PRELID2: variants seen among roughly 807,000 people sequenced by gnomAD.
PRELID2 encodes PRELI domain-containing protein 2.
In PRELID2, 25 loss-of-function variants were observed where a neutral mutation model predicts 28.4. The observed-to-expected ratio is 0.88, with a 90% CI of 0.64 to 1.23. PRELID2 has a LOEUF of 1.23. PRELID2 is among the 50% of genes most tolerant of loss of function. PRELID2 has a pLI of 0.00. For missense variants in PRELID2, 201 were observed against 214.4 expected (o/e 0.94, Z 0.39); for synonymous variants, 76 against 71.6 (o/e 1.06, Z -0.31).
At chr5:145,751,252 G>A (rs1027671201) in intron 1 of PRELID2, among the ~76,000 whole-genome samples, 1 of 152,154 alleles carries the variant, frequency 6.6e-6, no homozygotes, top group Non-Finnish European at 1.5e-5. Flanking sequence ...TGCTGCTGAT[G>A]GCAAGGCTTA....
At chr5:145,394,218 TG>T in the PRELID2 span, among the ~76,000 whole-genome samples, 1 of 152,168 alleles carries the variant, frequency 6.6e-6, no homozygotes, top group African/African-American at 2.4e-5. Flanking sequence ...TAAGAAAATT[TG>T]GCACATATAC....
At chr5:145,249,920 T>C in the PRELID2 span, among the ~76,000 whole-genome samples, 1 of 147,638 alleles carries the variant, frequency 6.8e-6, no homozygotes, top group Middle Eastern at 3.5e-3. Context: ...TGCCTCTCCC[T>C]CTCTCTCTCT....
At chr5:145,323,882 G>A in the PRELID2 span, among the ~76,000 whole-genome samples, 1 of 152,052 alleles carries the variant, frequency 6.6e-6, no homozygotes, top group Non-Finnish European at 1.5e-5. Flanking sequence ...CATTTAGGTC[G>A]ATTTCATGTC....
chr5:145,407,507 G>C, the PRELID2 span, among the ~76,000 whole-genome samples: 2 of 151,996 alleles, frequency 1.3e-5, no homozygotes, highest in Admixed American at 1.3e-4. Flanking sequence ...CCCTTAACTG[G>C]TGGTTTTTCT....
chr5:145,606,860 G>A (rs1162673631), intron 1 of PRELID2, among the ~76,000 whole-genome samples: 2 of 151,890 alleles, frequency 1.3e-5, no homozygotes, highest in African/African-American at 4.8e-5. Flanking sequence ...TTTTACATCT[G>A]GTAGAATTTG....
Position 145,658,629 on chromosome 5 carries a change from G to A in PRELID2, n.70+106302C>T, listed in dbSNP as rs114888651. On this transcript the variant is annotated intron_variant and non_coding_transcript_variant, in intron 1 of 2. Transcript: ENST00000510259. ...TCTCTCTAGCTCCCTCTCTCGCCAC[G>A]GGATATGTCAGCTCCTCCTTTGCCT... Among the ~76,000 whole-genome samples the A allele has an allele frequency of 1.8e-3, 269 of 152,226 alleles. No homozygotes were observed. In the Middle Eastern group the frequency reaches 0.031, roughly 17 times the overall value.
intron 1 of PRELID2, among the ~76,000 whole-genome samples, chr5:145,650,940 G>A (rs891730329): frequency 6.6e-6 from 1 of 152,146 alleles, no homozygotes; most frequent in Non-Finnish European, 1.5e-5. Context: ...CACCGAGCGT[G>A]AGCCAAAGCA....
intron 1 of PRELID2, among the ~76,000 whole-genome samples, chr5:145,606,816 G>T (rs577030148): frequency 2.8e-4 from 43 of 152,116 alleles, no homozygotes; most frequent in Middle Eastern, 3.4e-3. Context: ...CAACCCTTTT[G>T]GAATAGTTTT....
chr5:145,444,102 G>A, the PRELID2 span, among the ~76,000 whole-genome samples: 1 of 151,970 alleles, frequency 6.6e-6, no homozygotes, highest in Non-Finnish European at 1.5e-5. Flanking sequence ...ATCCTATTTA[G>A]GAGAGGATGT....
chr5:145,308,363 C>A, the PRELID2 span, among the ~76,000 whole-genome samples: 4 of 152,318 alleles, frequency 2.6e-5, no homozygotes, highest in South Asian at 6.2e-4. Flanking sequence ...TCTGCTGTAA[C>A]GATCACTTTG....
intron 1 of PRELID2, among the ~76,000 whole-genome samples, chr5:145,617,497 C>A (rs1753715191): frequency 6.6e-6 from 1 of 152,196 alleles, no homozygotes; most frequent in South Asian, 2.1e-4. Flanking sequence ...TGACTTCCCT[C>A]AACAGGTTGG....
chr5:145,541,055 G>T (rs1476096087), intron 1 of PRELID2, among the ~76,000 whole-genome samples: 1 of 152,004 alleles, frequency 6.6e-6, no homozygotes, highest in African/African-American at 2.4e-5. Flanking sequence ...CAAAAGTGTA[G>T]ATAATTTCTG....
intron 1 of PRELID2, among the ~76,000 whole-genome samples, chr5:145,603,801 G>A (rs560557799): frequency 6.6e-6 from 1 of 152,158 alleles, no homozygotes; most frequent in South Asian, 2.1e-4. Flanking sequence ...GAATAAAAGT[G>A]TCAATTATTA....
the PRELID2 span, among the ~76,000 whole-genome samples, chr5:145,419,602 T>G: frequency 1.6e-3 from 241 of 149,204 alleles, 2 homozygotes; most frequent in Admixed American, 0.014. Flanking sequence ...GTAAATTTGT[T>G]TGAGTTCATT....
Position 145,656,793 on chromosome 5 carries a change from C to T in PRELID2, n.70+108138G>A, listed in dbSNP as rs573686664. On this transcript the variant is annotated intron_variant and non_coding_transcript_variant, in intron 1 of 2. Transcript: ENST00000510259. ...GGGAGGGATAGCATTAGGAGATATA[C>T]CTAATGTAAATGGCAAGTTAATGGG... Among the ~76,000 whole-genome samples the T allele has an allele frequency of 5.9e-5, 9 of 151,554 alleles. 1 individual carries two copies. The South Asian group carries it at 1.9e-3, about 32-fold the overall frequency.
At chr5:145,498,186 A>T (rs1323403428) in intron 1 of PRELID2, among the ~76,000 whole-genome samples, 5 of 95,524 alleles carry the variant, frequency 5.2e-5, no homozygotes, top group Non-Finnish European at 1.3e-4. Context: ...AAAACAAGGT[A>T]AAAAAAAACT....
chr5:145,727,440 T>C (rs1175402559), intron 1 of PRELID2, among the ~76,000 whole-genome samples: 1 of 152,202 alleles, frequency 6.6e-6, no homozygotes, highest in African/African-American at 2.4e-5. Context: ...TTTTACATTA[T>C]GTCAGACATG....
the PRELID2 span, among the ~76,000 whole-genome samples, chr5:145,415,484 T>C: frequency 5.1e-5 from 7 of 136,430 alleles, no homozygotes; most frequent in Admixed American, 2.3e-4. Context: ...CCTGTGTCCA[T>C]GTGATCTCAT....
intron 1 of PRELID2, among the ~76,000 whole-genome samples, chr5:145,617,672 T>C (rs141316786): frequency 0.014 from 2,093 of 152,236 alleles, 45 homozygotes; most frequent in African/African-American, 0.047. Flanking sequence ...CAGAGCATTT[T>C]GCATTTCTAT....
Sources: gnomAD v4.1 joint callset for allele counts (sites outside exome capture counted in the v4.1 genomes callset) on GRCh38, gnomAD v4.1.1 for gene constraint, MANE v1.5 for transcripts, NCBI Gene and HGNC (gene_info 2026-07-23, HGNC 2026-07-21) for gene names.